TNNI3K: variants seen among roughly 807,000 people sequenced by gnomAD.
TNNI3K encodes the protein serine/threonine-protein kinase TNNI3K.
TNNI3K carries 140 observed loss-of-function variants against 114.5 expected under a neutral mutation model. That is an observed-to-expected ratio of 1.22 (90% CI 1.07 to 1.41). The LOEUF is 1.41. Ranked by LOEUF, TNNI3K falls within the 40% of genes most tolerant of loss-of-function variation. The pLI is 0.00. For synonymous variants in TNNI3K, 347 were observed against 347.5 expected, an observed-to-expected ratio of 1.00 and a Z score of 0.02; for missense variants, 1,125 against 1,007.6, an observed-to-expected ratio of 1.12 and a Z score of -1.58.
At chr1:74,463,374 G>T (rs1447015435) in intron 20 of TNNI3K, 67 bp from the exon 21 acceptor site, 1 of 1,535,722 alleles carries the variant, frequency 6.5e-7, no homozygotes, top group East Asian at 2.3e-5. Context: ...TTGTGTGTGT[G>T]TGTCTTCATT....
intron 9 of TNNI3K, among the ~76,000 whole-genome samples, chr1:74,350,304 AGTTCTAGTTTGCACTGTG>A (rs1448828377): frequency 4.6e-5 from 7 of 152,072 alleles, no homozygotes; most frequent in African/African-American, 1.4e-4. Flanking sequence ...CTTAATCCTG[AGTTCTAGTTTGCACTGTG>A]GTCTGAAAGT....
intron 5 of TNNI3K, among the ~76,000 whole-genome samples, chr1:74,286,942 A>G (rs1657366127): frequency 6.6e-6 from 1 of 152,100 alleles, no homozygotes; most frequent in African/African-American, 2.4e-5. Flanking sequence ...TAATCACCTT[A>G]AAGAGGCTCA....
chr1:74,376,708 A>G (rs570063697), intron 17 of TNNI3K: 128 of 152,142 alleles, frequency 8.4e-4, no homozygotes, highest in African/African-American at 3.0e-3. Flanking sequence ...GGTCTATGCT[A>G]TGCCGTAGGG....
intron 21 of TNNI3K, chr1:74,480,602 C>G: frequency 2.8e-6 from 2 of 717,232 alleles, no homozygotes; most frequent in South Asian, 3.0e-5. Context: ...ATTCGTGCCT[C>G]CGAAAGAACT....
intron 4 of TNNI3K, 110 bp from the exon 5 acceptor site, chr1:74,271,488 C>G (rs937650268): frequency 2.0e-6 from 2 of 989,864 alleles, no homozygotes; most frequent in African/African-American, 3.3e-5. Flanking sequence ...ACTTAAGTTT[C>G]CTTTGAGCAC....
chr1:74,470,275 C>T (rs1292071755), intron 21 of TNNI3K: 1 of 400,542 alleles, frequency 2.5e-6, no homozygotes, highest in Admixed American at 4.4e-5. Flanking sequence ...TCCATTTTCC[C>T]AAGTTTGCTG....
intron 2 of TNNI3K, among the ~76,000 whole-genome samples, chr1:74,241,298 A>C (rs1319458962): frequency 2.0e-5 from 3 of 152,212 alleles, no homozygotes; most frequent in African/African-American, 7.2e-5. Flanking sequence ...TATACCCAGT[A>C]ATGGGATGGC....
At chr1:74,413,570 C>T (rs911723885) in intron 17 of TNNI3K, among the ~76,000 whole-genome samples, 1 of 152,148 alleles carries the variant, frequency 6.6e-6, no homozygotes, top group Non-Finnish European at 1.5e-5. Flanking sequence ...ATTTAATCCA[C>T]AGTATCTGTG....
intron 21 of TNNI3K, chr1:74,469,559 G>A (rs951693212): frequency 1.0e-5 from 2 of 191,864 alleles, no homozygotes; most frequent in East Asian, 2.3e-4. Flanking sequence ...TTCTTATGTA[G>A]TTTTTCATTT....
At chr1:74,323,713 A>G (rs1253384192) in intron 5 of TNNI3K, among the ~76,000 whole-genome samples, 3 of 152,110 alleles carry the variant, frequency 2.0e-5, no homozygotes, top group African/African-American at 7.2e-5. Flanking sequence ...GAAATCAATC[A>G]AGGATATGTA....
intron 20 of TNNI3K, among the ~76,000 whole-genome samples, chr1:74,462,117 T>C (rs1232174986): frequency 6.6e-6 from 1 of 152,234 alleles, no homozygotes; most frequent in Non-Finnish European, 1.5e-5. Flanking sequence ...TTCCTTCTAA[T>C]TCTCTTAATT....
chr1:74,309,956 C>T (rs59837069), intron 5 of TNNI3K, among the ~76,000 whole-genome samples: 5,036 of 152,158 alleles, frequency 0.033, 255 homozygotes, highest in African/African-American at 0.11. Context: ...AAGTTGTAGA[C>T]AGAGCAATTA....
chr1:74,256,084 T>C (rs577068477), intron 4 of TNNI3K, among the ~76,000 whole-genome samples: 1 of 152,270 alleles, frequency 6.6e-6, no homozygotes, highest in Non-Finnish European at 1.5e-5. Context: ...CATACAGGTA[T>C]TTGTTTGAAC....
chr1:74,486,479 T>A (rs766595429), intron 21 of TNNI3K, among the ~76,000 whole-genome samples: 4 of 146,692 alleles, frequency 2.7e-5, no homozygotes, highest in Non-Finnish European at 5.9e-5. Context: ...ACATCATCAC[T>A]TTTTTTGTGT....
chr1:74,482,161 C>T (rs1353752138), intron 21 of TNNI3K, among the ~76,000 whole-genome samples: 1 of 152,026 alleles, frequency 6.6e-6, no homozygotes, highest in Non-Finnish European at 1.5e-5. Flanking sequence ...TTCATGGGTC[C>T]CCAGTCCTTT....
intron 17 of TNNI3K, among the ~76,000 whole-genome samples, chr1:74,389,953 A>G (rs779482962): frequency 2.4e-4 from 36 of 152,210 alleles, no homozygotes; most frequent in African/African-American, 8.2e-4. Context: ...AATTTTAGAT[A>G]GTACAAGATG....
At chr1:74,312,860 G>A (rs1659072061) in intron 5 of TNNI3K, among the ~76,000 whole-genome samples, 1 of 152,150 alleles carries the variant, frequency 6.6e-6, no homozygotes, top group South Asian at 2.1e-4. Context: ...CTACAATACT[G>A]CTACTGTCTC....
chr1:74,511,596 T>C (rs1368437389), intron 23 of TNNI3K, among the ~76,000 whole-genome samples: 1 of 152,124 alleles, frequency 6.6e-6, no homozygotes, highest in African/African-American at 2.4e-5. Context: ...CTCTTATATA[T>C]TGAATCATGT....
intron 6 of TNNI3K, among the ~76,000 whole-genome samples, chr1:74,332,491 G>A (rs1020210638): frequency 9.2e-5 from 14 of 151,950 alleles, no homozygotes; most frequent in African/African-American, 3.1e-4. Flanking sequence ...TAGTAGAGAC[G>A]GGGTTTCACC....
Sources: allele counts gnomAD v4.1 joint callset (sites outside exome capture counted in the v4.1 genomes callset), GRCh38; gene constraint gnomAD v4.1.1; transcripts MANE v1.5; gene names NCBI Gene and HGNC (gene_info 2026-07-23, HGNC 2026-07-21).